The following SLC14A2 variants were observed in gnomAD, a reference collection of about 807,000 sequenced individuals.
The protein encoded by SLC14A2 is solute carrier family 14 member 2, also known as urea transporter 2.
A neutral mutation model predicts 104.6 loss-of-function variants in SLC14A2; 91 were observed. The observed-to-expected ratio is 0.87, with a 90% CI of 0.73 to 1.04. SLC14A2 has a LOEUF of 1.04. Among genes scored for constraint, SLC14A2 ranks in the 50% least tolerant of loss-of-function variants. SLC14A2 has a pLI of 0.00. For missense variants in SLC14A2, 1,189 were observed against 1,156.0 expected, an observed-to-expected ratio of 1.03 and a Z score of -0.41; for synonymous variants, 476 against 466.4, an observed-to-expected ratio of 1.02 and a Z score of -0.27.
intron 1 of SLC14A2, among the ~76,000 whole-genome samples, chr18:45,397,576 A>T (rs1408494743): frequency 6.6e-6 from 1 of 152,168 alleles, no homozygotes; most frequent in East Asian, 1.9e-4. Flanking sequence ...CCTTTGTCAG[A>T]TGCATAGTTT....
intron 5 of SLC14A2, 97 bp downstream of exon 5, chr18:45,632,575 C>T (rs2045362801): frequency 7.3e-7 from 1 of 1,368,300 alleles, no homozygotes; most frequent in Non-Finnish European, 1.0e-6. Flanking sequence ...ATGTGGGACC[C>T]AGCCCCTTCA....
intron 1 of SLC14A2, among the ~76,000 whole-genome samples, chr18:45,320,209 A>C (rs1386483027): frequency 6.6e-6 from 1 of 152,200 alleles, no homozygotes; most frequent in Non-Finnish European, 1.5e-5. Flanking sequence ...CCTGTAAGCT[A>C]ACTAGGATAG....
At chr18:45,362,155 C>T (rs1047067495) in intron 1 of SLC14A2, among the ~76,000 whole-genome samples, 2 of 152,214 alleles carry the variant, frequency 1.3e-5, no homozygotes, top group Non-Finnish European at 2.9e-5. Flanking sequence ...CTCCTGCCAG[C>T]TTATGAAGAA....
At chr18:45,212,714 A>G (rs1313337742), upstream of SLC14A2, among the ~76,000 whole-genome samples, 1 of 152,220 alleles carries the variant, frequency 6.6e-6, no homozygotes. Flanking sequence ...CATACTCCAA[A>G]GAACACACAC....
In SLC14A2 at chr18:45,473,491, A is replaced by T. The variant is rs1255558538; in HGVS notation, c.-124-9742A>T. 5.3e-5 allele frequency among the ~76,000 whole-genome samples: 8 copies of T among 151,970 alleles called. No homozygotes were observed. In the East Asian group the frequency reaches 1.5e-3, roughly 29 times the overall value. On this transcript the variant is annotated intron_variant, in intron 1 of 20. Coordinates refer to the SLC14A2 transcript ENST00000586448. ...GCAGTATGGCCATTTCATAATATTG[A>T]TTCTTCCTATCCATGAGCATCAAGT...
In SLC14A2 at chr18:45,421,575, C is replaced by T. The variant is rs140463827; in HGVS notation, c.-124-61658C>T. Reference sequence around the variant, plus strand: ...ATGTGTTAAGGCGATGTTTTTGGTCCGTATTTTTACTTAATTTAAATTTCC... The same window carrying T: ...ATGTGTTAAGGCGATGTTTTTGGTCTGTATTTTTACTTAATTTAAATTTCC... On this transcript the variant is annotated intron_variant, in intron 1 of 20. Coordinates refer to the SLC14A2 transcript ENST00000586448. Among the ~76,000 whole-genome samples the T allele has an allele frequency of 6.2e-4, 95 of 152,186 alleles. 1 individual carries two copies. In the East Asian group the frequency reaches 0.014, roughly 23 times the overall value.
chr18:45,172,468 CTA>C, the SLC14A2 span, among the ~76,000 whole-genome samples: 1 of 152,088 alleles, frequency 6.6e-6, no homozygotes, highest in Non-Finnish European at 1.5e-5. Context: ...AACCCTGAGC[CTA>C]TGTCTTGTGG....
chr18:45,346,408 C>T (rs905193619), intron 1 of SLC14A2, among the ~76,000 whole-genome samples: 17 of 152,158 alleles, frequency 1.1e-4, no homozygotes, highest in African/African-American at 2.9e-4. Flanking sequence ...CTACCCGCCT[C>T]GGCCTCCCAA....
chr18:45,613,878 C>T (rs1182242725), upstream of SLC14A2, among the ~76,000 whole-genome samples: 4 of 152,120 alleles, frequency 2.6e-5, no homozygotes, highest in African/African-American at 7.2e-5. Context: ...TGCAGCCTGA[C>T]GATGTGATGG....
chr18:45,400,809 G>T (rs1318924617), intron 1 of SLC14A2, among the ~76,000 whole-genome samples: 1 of 152,026 alleles, frequency 6.6e-6, no homozygotes, highest in Non-Finnish European at 1.5e-5. Context: ...CTTACTCATG[G>T]ATTTCCCTTT....
chr18:45,596,647 A>G (rs2044721856), intron 2 of SLC14A2, among the ~76,000 whole-genome samples: 1 of 152,248 alleles, frequency 6.6e-6, no homozygotes, highest in Non-Finnish European at 1.5e-5. Context: ...GCTATTGTTC[A>G]CATGCAGAAT....
intron 1 of SLC14A2, among the ~76,000 whole-genome samples, chr18:45,389,002 A>G (rs2085931926): frequency 6.6e-6 from 1 of 152,236 alleles, no homozygotes; most frequent in Non-Finnish European, 1.5e-5. Context: ...AAATAGAGAC[A>G]GTAATCTGGC....
intron 1 of SLC14A2, among the ~76,000 whole-genome samples, chr18:45,394,055 A>G (rs1235804542): frequency 6.6e-6 from 1 of 152,232 alleles, no homozygotes; most frequent in African/African-American, 2.4e-5. Flanking sequence ...AGGGCAACTC[A>G]GGATTTTATT....
chr18:45,216,848 A>G (rs1428261681), intron 1 of SLC14A2, among the ~76,000 whole-genome samples: 2 of 152,080 alleles, frequency 1.3e-5, no homozygotes, highest in African/African-American at 4.8e-5. Context: ...GAATCAAACT[A>G]TATTCTTATC....
intron 1 of SLC14A2, among the ~76,000 whole-genome samples, chr18:45,350,342 C>A (rs1568162755): frequency 6.6e-6 from 1 of 152,174 alleles, no homozygotes. Context: ...GAGAACACCC[C>A]CATGGCTCAG....
intron 1 of SLC14A2, among the ~76,000 whole-genome samples, chr18:45,246,649 T>C (rs537165011): frequency 1.3e-5 from 2 of 152,038 alleles, no homozygotes; most frequent in Non-Finnish European, 2.9e-5. Flanking sequence ...CTTGGCTCAC[T>C]GCAACCTCCG....
chr18:45,504,054 G>A (rs1326212418), intron 2 of SLC14A2, among the ~76,000 whole-genome samples: 2 of 152,210 alleles, frequency 1.3e-5, no homozygotes, highest in African/African-American at 4.8e-5. Flanking sequence ...TGACTGATGG[G>A]TCCTCAGTAA....
chr18:45,417,867 G>T (rs975968768), intron 1 of SLC14A2, among the ~76,000 whole-genome samples: 6 of 152,216 alleles, frequency 3.9e-5, no homozygotes, highest in Admixed American at 1.3e-4. Context: ...ACTTTTTTAA[G>T]TTCCCACCTA....
intron 1 of SLC14A2, among the ~76,000 whole-genome samples, chr18:45,355,444 G>T (rs1342612118): frequency 6.6e-6 from 1 of 151,782 alleles, no homozygotes; most frequent in Non-Finnish European, 1.5e-5. Context: ...CAGGCATGGT[G>T]GTGTGTGCCT....
Sources: allele counts gnomAD v4.1 joint callset (sites outside exome capture counted in the v4.1 genomes callset), GRCh38; gene constraint gnomAD v4.1.1; transcripts MANE v1.5; gene names NCBI Gene and HGNC (gene_info 2026-07-23, HGNC 2026-07-21).